Variants in ZNF492 observed in about 807,000 individuals in gnomAD.
ZNF492 encodes the protein zinc finger protein 115 (Y20).
ZNF492 carries 3 observed loss-of-function variants against 6.4 expected under a neutral mutation model. The observed-to-expected ratio is 0.47, with a 90% CI of 0.21 to 1.22. The LOEUF (loss-of-function observed/expected upper bound fraction) is 1.22. Ranked by LOEUF, ZNF492 falls within the 50% of genes most tolerant of loss-of-function variation. ZNF492 has a pLI of 0.22. For missense variants in ZNF492, 356 were observed against 612.5 expected (o/e 0.58, Z 4.42); for synonymous variants, 112 against 205.3 (o/e 0.55, Z 3.89).
intron 3 of ZNF492, among the ~76,000 whole-genome samples, chr19:22,655,243 G>A (rs1971982531): frequency 6.6e-6 from 1 of 151,380 alleles, no homozygotes; most frequent in Admixed American, 6.6e-5. Context: ...GCAGTGAGCT[G>A]AGATTGCACC....
At chr19:22,645,561 T>G (rs1441015848) in intron 1 of ZNF492, among the ~76,000 whole-genome samples, 1 of 152,186 alleles carries the variant, frequency 6.6e-6, no homozygotes, top group African/African-American at 2.4e-5. Context: ...TTAGTTGCAG[T>G]TACTTTTGGC....
At chr19:22,647,840 T>C (rs67737578) in intron 1 of ZNF492, among the ~76,000 whole-genome samples, 27,567 of 146,998 alleles carry the variant, frequency 0.19, 3,511 homozygotes, top group African/African-American at 0.35. Context: ...AGCAATTCTC[T>C]CTGCCTCAAC....
At chr19:22,654,083 A>G (rs1971969800) in intron 3 of ZNF492, 68 bp downstream of exon 3, 20 of 1,430,528 alleles carry the variant, frequency 1.4e-5, no homozygotes, top group Non-Finnish European at 1.7e-5. Context: ...AAAAAAAAAA[A>G]GCCAGTCCTT....
chr19:22,637,809 A>G (rs182100366), intron 1 of ZNF492, among the ~76,000 whole-genome samples: 473 of 152,240 alleles, frequency 3.1e-3, no homozygotes, highest in African/African-American at 0.011. Flanking sequence ...ACTACTTTTT[A>G]TAGTGGTTGA....
intron 1 of ZNF492, among the ~76,000 whole-genome samples, chr19:22,650,351 A>G (rs1165891651): frequency 6.6e-6 from 1 of 152,278 alleles, no homozygotes; most frequent in East Asian, 1.9e-4. Flanking sequence ...ACACAGCTGT[A>G]TAGGGTGTCT....
At chr19:22,647,415 C>T (rs1408084235) in intron 1 of ZNF492, among the ~76,000 whole-genome samples, 2 of 151,010 alleles carry the variant, frequency 1.3e-5, no homozygotes, top group Middle Eastern at 3.2e-3. Context: ...CGCCACTACA[C>T]CCAGTTAATT....
intron 1 of ZNF492, among the ~76,000 whole-genome samples, chr19:22,652,220 G>GTTTTTTTTT: frequency 1.9e-5 from 2 of 107,632 alleles, no homozygotes; most frequent in Non-Finnish European, 3.5e-5. Flanking sequence ...CCTTTCTTAG[G>GTTTTTTTTT]CTTTTTTTTT....
At chr19:22,659,571 C>CACACACACAG (rs1490270982) in intron 3 of ZNF492, among the ~76,000 whole-genome samples, 3 of 149,946 alleles carry the variant, frequency 2.0e-5, no homozygotes, top group African/African-American at 7.6e-5. Flanking sequence ...TACACACACA[C>CACACACACAG]ACACACACAC....
rs143594690 is a variant in ZNF492, at chr19:22,634,695, G to T, written c.-94+221G>T. On this transcript the variant is annotated intron_variant, in intron 1 of 3. Transcript: ENST00000456783. ...TCCTGTCTCTTCCCTGCGCAGTGAC[G>T]GTGCCCTGGCCTGGAGCCCTCTCTG... 1.1e-4 allele frequency among the ~76,000 whole-genome samples: 16 copies of T among 152,248 alleles called. 1 individual carries two copies. In the East Asian group the frequency reaches 2.9e-3, roughly 28 times the overall value.
rs199537876 is a variant in ZNF492 at position 22,664,759 on chromosome 19, T to C, written c.1090T>C (p.Phe364Leu). 27,616 of 1,589,346 alleles carry C rather than the reference T, an allele frequency of 0.017. 242 individuals carry two copies. The highest frequency in any genetic ancestry group is 0.021 in the Non-Finnish European group (24,910 of 1,169,570). Residue 364 changes from phenylalanine (F) to leucine (L), a missense_variant, in exon 4 of 4, where the codon TTC becomes CTC. Phe to Leu is a conservative substitution (Grantham distance 22). Coordinates refer to ENST00000456783, the MANE Select transcript of ZNF492 (RefSeq NM_020855.3). The part of the protein sequence containing the change: ...THKRIHAGEK[F>L]YKCEVCSKAF... ...TAAGAGAATTCATGCTGGAGAGAAA[T>C]TCTACAAATGTGAAGTATGTAGCAA...
At chr19:22,642,768 A>AT (rs891362411) in intron 1 of ZNF492, among the ~76,000 whole-genome samples, 1 of 152,004 alleles carries the variant, frequency 6.6e-6, no homozygotes, top group Non-Finnish European at 1.5e-5. Flanking sequence ...GCAGAGGTTT[A>AT]TTTTTTTAAT....
chr19:22,642,867 T>A (rs73030506), intron 1 of ZNF492, among the ~76,000 whole-genome samples: 3,203 of 152,282 alleles, frequency 0.021, 48 homozygotes, highest in Non-Finnish European at 0.032. Flanking sequence ...TAGAATTAAA[T>A]TTAGCAATAC....
intron 1 of ZNF492, among the ~76,000 whole-genome samples, chr19:22,641,469 C>A (rs554904898): frequency 2.0e-5 from 3 of 152,194 alleles, no homozygotes; most frequent in Admixed American, 2.0e-4. Flanking sequence ...GTGTGTGGTT[C>A]ATATAATTTT....
rs1972116406 is a variant in ZNF492, at chr19:22,665,558, G to A, written c.*293G>A. 2.7e-6 allele frequency: 1 copy of A among 374,052 alleles called. No homozygotes were observed. Among genetic ancestry groups the A allele is most frequent in the East Asian group, 5.9e-5 (1 of 16,984 alleles). The allele number at this position is 374,052 out of a possible 1,614,324, so 23.2% of individuals were successfully genotyped here. On this transcript the variant is annotated 3_prime_UTR_variant, in exon 4 of 4. Transcript: ENST00000456783. ...AGAGTTCAAAAAATAAGCATTTAAA[G>A]TGCTGAAGAGGATTTATTTTGAAGA...
rs1972109876 is a variant in ZNF492, at chr19:22,665,114, G to A, written c.1445G>A (p.Cys482Tyr). 3.7e-6 allele frequency: 6 copies of A among 1,609,456 alleles called. No individual in the cohort carries two copies. The highest frequency in any genetic ancestry group is 4.2e-6 in the Non-Finnish European group (5 of 1,179,886). ...GAGAAACCCTACAAGTGTGAAGAAT[G>A]TGGCAAAGCCTTTAACAACTCCTCT... Reference protein sequence around the residue: ...TGEKPYKCEECGKAFNNSSIL... With the variant: ...TGEKPYKCEEYGKAFNNSSIL... The change falls in exon 4 of 4, where the codon TGT (cysteine) becomes TAT (tyrosine). Residue 482 changes from cysteine to tyrosine, a missense_variant. By Grantham distance (194) the Cys-to-Tyr change is radical. Transcript: ENST00000456783.
At chr19:22,654,862 G>C (rs1300480085) in intron 3 of ZNF492, among the ~76,000 whole-genome samples, 2 of 149,996 alleles carry the variant, frequency 1.3e-5, no homozygotes, top group Non-Finnish European at 3.0e-5. Context: ...CGGCCTCCCA[G>C]AGTGCTAGAA....
chr19:22,662,476 A>G (rs1450718475), intron 3 of ZNF492, among the ~76,000 whole-genome samples: 1 of 152,208 alleles, frequency 6.6e-6, no homozygotes, highest in Admixed American at 6.5e-5. Context: ...CTCAAATGGT[A>G]TTTCTAGTTC....
intron 2 of ZNF492, 47 bp downstream of exon 2, chr19:22,653,480 T>C: frequency 6.3e-7 from 1 of 1,583,568 alleles, no homozygotes; most frequent in Non-Finnish European, 8.5e-7. Flanking sequence ...CCTATAAATT[T>C]TATTTCTCTT....
At chr19:22,645,746 C>T (rs2145247864) in intron 1 of ZNF492, among the ~76,000 whole-genome samples, 1 of 152,236 alleles carries the variant, frequency 6.6e-6, no homozygotes, top group African/African-American at 2.4e-5. Flanking sequence ...TATGGCTAGC[C>T]AGTTTTCTCA....
Sources: allele counts gnomAD v4.1 joint callset (sites outside exome capture counted in the v4.1 genomes callset), GRCh38; gene constraint gnomAD v4.1.1; transcripts MANE v1.5; gene names NCBI Gene and HGNC (gene_info 2026-07-23, HGNC 2026-07-21).